The following PCDH9 variants were observed in gnomAD, a reference collection of about 807,000 sequenced individuals.
PCDH9 encodes protocadherin 9.
Under a neutral mutation model 70.6 loss-of-function variants are expected in PCDH9, and 24 were observed. The ratio of observed to expected loss-of-function variants is 0.34; its 90% CI spans 0.25 to 0.48. PCDH9 has a LOEUF of 0.48. Among genes scored for constraint, PCDH9 ranks in the 20% least tolerant of loss-of-function variants. The pLI, the probability that PCDH9 is intolerant of heterozygous loss-of-function variation, is 0.99. For missense variants in PCDH9, 1,281 were observed against 1,503.6 expected (o/e 0.85, Z 2.45); for synonymous variants, 562 against 558.5 (o/e 1.01, Z -0.09).
At chr13:66,391,663 A>G (rs1250918678) in intron 4 of PCDH9, among the ~76,000 whole-genome samples, 1 of 152,132 alleles carries the variant, frequency 6.6e-6, no homozygotes, top group African/African-American at 2.4e-5. Flanking sequence ...ACCTTCATAA[A>G]TAAATGAACA....
intron 3 of PCDH9, among the ~76,000 whole-genome samples, chr13:66,773,366 C>A (rs1434645806): frequency 6.6e-6 from 1 of 152,208 alleles, no homozygotes; most frequent in East Asian, 1.9e-4. Flanking sequence ...CGGTGGCTCA[C>A]GCCTGTAATC....
intron 3 of PCDH9, among the ~76,000 whole-genome samples, chr13:66,710,105 A>T (rs1566520564): frequency 6.6e-6 from 1 of 152,178 alleles, no homozygotes; most frequent in Non-Finnish European, 1.5e-5. Flanking sequence ...TTGACATTAT[A>T]CACATTGACT....
chr13:66,831,794 G>C (rs1304497455), intron 3 of PCDH9, among the ~76,000 whole-genome samples: 12 of 152,078 alleles, frequency 7.9e-5, no homozygotes, highest in Admixed American at 7.9e-4. Flanking sequence ...TACAATTAGT[G>C]GGGAGCATTT....
rs2086668336 is a variant in PCDH9 at position 67,112,021 on chromosome 13, A to G, written c.3036+113384T>C. Among the ~76,000 whole-genome samples, 3 of 152,266 alleles carry G rather than the reference A, an allele frequency of 2.0e-5. No homozygotes were observed. The South Asian group carries it at 6.2e-4, about 32-fold the overall frequency. On this transcript the variant is annotated intron_variant, in intron 2 of 4. Coordinates refer to ENST00000377865, the MANE Select transcript of PCDH9 (RefSeq NM_203487.3). ...ATCAGTAAGCGCATTAGATTTATAC[A>G]CATTTTTAACAGTGCAATTTGCTAT...
intron 4 of PCDH9, among the ~76,000 whole-genome samples, chr13:66,458,494 C>G (rs1012033558): frequency 4.6e-5 from 7 of 152,036 alleles, no homozygotes; most frequent in African/African-American, 1.7e-4. Flanking sequence ...TCACCTTTTT[C>G]TGTTTTCTAC....
At chr13:66,396,681 T>C (rs1261129168) in intron 4 of PCDH9, among the ~76,000 whole-genome samples, 2 of 152,204 alleles carry the variant, frequency 1.3e-5, no homozygotes, top group African/African-American at 4.8e-5. Context: ...TCAGTTTAAC[T>C]ACCCACCTTG....
chr13:66,586,034 C>A (rs973530659), intron 4 of PCDH9, among the ~76,000 whole-genome samples: 5 of 152,122 alleles, frequency 3.3e-5, no homozygotes, highest in African/African-American at 9.7e-5. Flanking sequence ...CAAACAAAGA[C>A]CTTATTTAAA....
Position 67,226,232 on chromosome 13 carries a change from G to A in PCDH9, c.2209C>T (p.Leu737=), listed in dbSNP as rs1239691208. Residue 737 remains leucine (L), a synonymous_variant, in exon 2 of 5, where the codon CTG becomes TTG. Coordinates refer to ENST00000377865, the MANE Select transcript of PCDH9 (RefSeq NM_203487.3). This position sits in a 1 kb window ranked among gnomAD's most constrained non-coding sequence, Gnocchi z 5.0. ...RIDPVTGNIT[L]EEKPAPTDVG... ...TCAGTAGGTGCTGGTTTTTCTTCCA[G>A]AGTAATGTTACCTGTTACTGGATCA... 2 of 1,614,062 alleles carry A rather than the reference G, an allele frequency of 1.2e-6. No individual in the cohort carries two copies. Among genetic ancestry groups the A allele is most frequent in the African/African-American group, 1.3e-5 (1 of 75,008 alleles).
chr13:66,600,765 CGTGTGTGTGT>C lies in PCDH9; in HGVS notation c.3340+30435_3340+30444del, dbSNP rs10579707. Reference sequence around the variant, plus strand: ...ACATTTTGGATGAACTAATTAAGAACGTGTGTGTGTGTGTGTGTGTGTGTGTGTGTGTAAG... The same window carrying C: ...ACATTTTGGATGAACTAATTAAGAACGTGTGTGTGTGTGTGTGTGTGTAAG... On this transcript the variant is annotated intron_variant, in intron 4 of 4. Transcript: ENST00000377865. Among the ~76,000 whole-genome samples, 42 of 133,026 alleles carry C rather than the reference CGTGTGTGTGT, an allele frequency of 3.2e-4. 5 individuals are homozygous for C. Among genetic ancestry groups the C allele is most frequent in the Non-Finnish European group, 1.3e-4 (8 of 59,408 alleles). 87.3% of individuals were successfully genotyped at this position (133,026 alleles called of 152,430 possible).
At chr13:66,473,443 T>C (rs919891454) in intron 4 of PCDH9, among the ~76,000 whole-genome samples, 2 of 152,130 alleles carry the variant, frequency 1.3e-5, no homozygotes, top group Non-Finnish European at 2.9e-5. Context: ...CACAATCCAC[T>C]TAGTAACATA....
In PCDH9 at chr13:67,087,554, A is replaced by T. The variant is rs558451948; in HGVS notation, c.3036+137851T>A. Reference sequence around the variant, plus strand: ...AAAATATTTTAAATGCTCATCTCTTAGCCTCCATGAACGGCAGCACATTTT... The same window carrying T: ...AAAATATTTTAAATGCTCATCTCTTTGCCTCCATGAACGGCAGCACATTTT... On this transcript the variant is annotated intron_variant, in intron 2 of 4. Transcript: ENST00000377865. Among the ~76,000 whole-genome samples, 7 of 152,288 alleles carry T rather than the reference A, an allele frequency of 4.6e-5. No individual in the cohort carries two copies. In the South Asian group the frequency reaches 8.3e-4, roughly 18 times the overall value.
intron 4 of PCDH9, among the ~76,000 whole-genome samples, chr13:66,352,190 C>A (rs1365870109): frequency 6.6e-6 from 1 of 152,178 alleles, no homozygotes; most frequent in African/African-American, 2.4e-5. Context: ...ATCAGTGTTA[C>A]ACAATGAAAC....
At chr13:66,650,438 T>C (rs890687223) in intron 3 of PCDH9, among the ~76,000 whole-genome samples, 1 of 151,958 alleles carries the variant, frequency 6.6e-6, no homozygotes, top group Non-Finnish European at 1.5e-5. Context: ...CAATTGTAAA[T>C]ATATATGTAC....
chr13:66,471,526 T>C (rs758739324), intron 4 of PCDH9, among the ~76,000 whole-genome samples: 1 of 152,220 alleles, frequency 6.6e-6, no homozygotes, highest in Non-Finnish European at 1.5e-5. Context: ...AACACTGACA[T>C]ATTTTTATTT....
chr13:66,596,006 C>T (rs964110685), intron 4 of PCDH9, among the ~76,000 whole-genome samples: 1 of 151,540 alleles, frequency 6.6e-6, no homozygotes, highest in Non-Finnish European at 1.5e-5. Flanking sequence ...CATTAATAAA[C>T]ATTAAGAAAT....
intron 3 of PCDH9, among the ~76,000 whole-genome samples, chr13:66,897,914 T>C (rs956655854): frequency 6.6e-6 from 1 of 152,098 alleles, no homozygotes; most frequent in Non-Finnish European, 1.5e-5. Context: ...TCCAGGTCAA[T>C]CTTACCTAAA....
Position 67,225,983 on chromosome 13 carries a change from T to C in PCDH9, c.2458A>G (p.Ile820Val). Residue 820 changes from isoleucine to valine, a missense_variant, in exon 2 of 5, where the codon ATC becomes GTC. Coordinates refer to ENST00000377865, the MANE Select transcript of PCDH9 (RefSeq NM_203487.3). ...ACAATGACCACCATGGCACCGGCGA[T>C]GATGGCAATCATGATGGTTAGATAG... ...EDYLTIMIAI[I>V]AGAMVVIVVI... is the part of the protein sequence containing the mutation. 1 of 1,614,128 alleles carries C rather than the reference T, an allele frequency of 6.2e-7. No individual in the cohort carries two copies. Among genetic ancestry groups the C allele is most frequent in the Non-Finnish European group, 8.5e-7 (1 of 1,180,006 alleles).
chr13:66,863,712 C>A (rs1238673911), intron 3 of PCDH9, among the ~76,000 whole-genome samples: 3 of 152,080 alleles, frequency 2.0e-5, no homozygotes, highest in Non-Finnish European at 4.4e-5. Flanking sequence ...GTCTTGATCT[C>A]CCGACCTCGT....
At chr13:66,982,881 A>G (rs1391234191) in intron 2 of PCDH9, among the ~76,000 whole-genome samples, 1 of 152,250 alleles carries the variant, frequency 6.6e-6, no homozygotes, top group African/African-American at 2.4e-5. Flanking sequence ...ACTTACATTC[A>G]AATTTACTCT....
Sources: allele counts gnomAD v4.1 joint callset (sites outside exome capture counted in the v4.1 genomes callset), GRCh38; gene constraint gnomAD v4.1.1; non-coding constraint Gnocchi (gnomAD v3.1); transcripts MANE v1.5; gene names NCBI Gene and HGNC (gene_info 2026-07-23, HGNC 2026-07-21).